The following PCDHGB2 variants were observed in gnomAD, a reference collection of about 807,000 sequenced individuals.
PCDHGB2 encodes the protein protocadherin gamma-B2.
PCDHGB2 carries 55 observed loss-of-function variants against 59.3 expected under a neutral mutation model. That is an observed-to-expected ratio of 0.93 (90% CI 0.75 to 1.16). The LOEUF (loss-of-function observed/expected upper bound fraction) is 1.16. PCDHGB2 is among the 50% of genes most tolerant of loss of function. The probability of loss-of-function intolerance (pLI) is 0.00; values close to 1 mark genes in which losing one functional copy is unlikely to be tolerated. For synonymous variants in PCDHGB2, 516 were observed against 512.0 expected, an observed-to-expected ratio of 1.01 and a Z score of -0.11; for missense variants, 1,228 against 1,198.5, an observed-to-expected ratio of 1.02 and a Z score of -0.36.
intron 1 of PCDHGB2, chr5:141,422,092 G>T: frequency 6.2e-7 from 1 of 1,611,520 alleles, no homozygotes; most frequent in Non-Finnish European, 8.5e-7. Context: ...GGAAAGCAAG[G>T]CTTCTGAAAT....
At chr5:141,393,017 C>T (rs1192044321) in intron 1 of PCDHGB2, 2 of 1,613,754 alleles carry the variant, frequency 1.2e-6, no homozygotes, top group Non-Finnish European at 1.7e-6. Context: ...GTATCGTCTC[C>T]AGAGGTAGGA....
intron 1 of PCDHGB2, among the ~76,000 whole-genome samples, chr5:141,488,782 C>T (rs990081222): frequency 2.0e-5 from 3 of 152,178 alleles, no homozygotes; most frequent in Non-Finnish European, 1.5e-5. Flanking sequence ...TTTTGTATCA[C>T]TTTGTCTTCC....
At chr5:141,364,041 A>G (rs1442486662) in intron 1 of PCDHGB2, among the ~76,000 whole-genome samples, 2 of 152,276 alleles carry the variant, frequency 1.3e-5, no homozygotes, top group African/African-American at 4.8e-5. Context: ...ATATGGCAAC[A>G]TTATTAGAAA....
chr5:141,387,642 C>T lies in PCDHGB2; in HGVS notation c.2421+25086C>T, dbSNP rs554256672. 8.0e-6 allele frequency: 5 copies of T among 622,368 alleles called. No homozygotes were observed. In the South Asian group the frequency reaches 1.1e-4, roughly 14 times the overall value. The allele number at this position is 622,368 out of a possible 1,614,324, so 38.6% of individuals were successfully genotyped here. On this transcript the variant is annotated intron_variant, in intron 1 of 3. Transcript: ENST00000522605. Reference sequence around the variant, plus strand: ...TGCTGACTCTGGGCGCCGCTGTTGGCCAAAGTGGAGAGCTTGGCGCTCCAG... The same window carrying T: ...TGCTGACTCTGGGCGCCGCTGTTGGTCAAAGTGGAGAGCTTGGCGCTCCAG...
chr5:141,410,450 T>G, intron 1 of PCDHGB2: 1 of 1,614,052 alleles, frequency 6.2e-7, no homozygotes, highest in Non-Finnish European at 8.5e-7. Flanking sequence ...GACTTTGCCT[T>G]ATTCTTATAA....
intron 1 of PCDHGB2, chr5:141,410,127 T>A (rs761667108): frequency 3.7e-6 from 6 of 1,612,926 alleles, no homozygotes; most frequent in Non-Finnish European, 5.1e-6. Context: ...CGCCAGCGCC[T>A]GCTGGTCGCT....
chr5:141,430,033 C>T (rs556099456), intron 1 of PCDHGB2, among the ~76,000 whole-genome samples: 1 of 152,066 alleles, frequency 6.6e-6, no homozygotes, highest in Non-Finnish European at 1.5e-5. Context: ...AAGTGTGATT[C>T]TGATAATGTA....
At chr5:141,480,021 C>T (rs1415230863) in intron 1 of PCDHGB2, among the ~76,000 whole-genome samples, 2 of 152,208 alleles carry the variant, frequency 1.3e-5, no homozygotes, top group East Asian at 3.8e-4. Flanking sequence ...AATCTCCTTT[C>T]TAAGCCTCTT....
intron 1 of PCDHGB2, chr5:141,377,502 A>G (rs1373807437): frequency 6.6e-6 from 1 of 152,050 alleles, no homozygotes. Flanking sequence ...AAGCTCTGAT[A>G]GGAGGATTGC....
chr5:141,388,469 A>G, intron 1 of PCDHGB2: 11 of 1,613,858 alleles, frequency 6.8e-6, no homozygotes, highest in Non-Finnish European at 8.5e-6. Context: ...CTGAGATGGT[A>G]TTGAAGACAC....
intron 2 of PCDHGB2, among the ~76,000 whole-genome samples, chr5:141,504,999 T>C (rs1278633184): frequency 6.6e-6 from 1 of 152,000 alleles, no homozygotes; most frequent in African/African-American, 2.4e-5. Context: ...CCGTCTGTAC[T>C]AAAAATACAA....
At chr5:141,501,926 C>T (rs1388315216) in intron 2 of PCDHGB2, among the ~76,000 whole-genome samples, 1 of 152,126 alleles carries the variant, frequency 6.6e-6, no homozygotes, top group African/African-American at 2.4e-5. Flanking sequence ...AGCTTTGTTC[C>T]CTCAACACCA....
intron 1 of PCDHGB2, chr5:141,366,940 C>A: frequency 1.2e-6 from 1 of 819,898 alleles, no homozygotes; most frequent in Non-Finnish European, 1.8e-6. Context: ...GGAAGTCTAG[C>A]TGATATCTGT....
chr5:141,444,965 A>C (rs561160996), intron 1 of PCDHGB2, among the ~76,000 whole-genome samples: 18 of 152,234 alleles, frequency 1.2e-4, no homozygotes, highest in South Asian at 6.2e-4. Context: ...CAATATTGAC[A>C]CTTCAAATCC....
intron 1 of PCDHGB2, chr5:141,383,386 G>C (rs1199066955): frequency 1.2e-6 from 2 of 1,614,000 alleles, no homozygotes; most frequent in Non-Finnish European, 1.7e-6. Context: ...TCCAGATGTG[G>C]GCACGAACTC....
At chr5:141,405,062 T>C in intron 1 of PCDHGB2, 1 of 1,613,918 alleles carries the variant, frequency 6.2e-7, no homozygotes, top group Non-Finnish European at 8.5e-7. Flanking sequence ...CTCCTGTGTC[T>C]TCCTCACCTT....
rs764658508 is a variant in PCDHGB2 at position 141,431,546 on chromosome 5, G to A, written c.2422-63261G>A. 1.2e-6 allele frequency: 2 copies of A among 1,614,000 alleles called. No homozygotes were observed. Among genetic ancestry groups the A allele is most frequent in the Admixed American group, 3.3e-5 (2 of 60,012 alleles). On this transcript the variant is annotated intron_variant, in intron 1 of 3. Coordinates refer to ENST00000522605, the MANE Select transcript of PCDHGB2 (RefSeq NM_018923.3). This position sits in a 1 kb window ranked among gnomAD's most constrained non-coding sequence, Gnocchi z 4.8. The stretch of plus-strand genomic sequence containing the variant: ...TCTGGCCTTGGGCACGCAGCTGCTT[G>A]TAGTCAACGCTACCGACCCTGACGA...
intron 1 of PCDHGB2, among the ~76,000 whole-genome samples, chr5:141,435,357 T>C (rs749223776): frequency 6.6e-6 from 1 of 152,208 alleles, no homozygotes; most frequent in Non-Finnish European, 1.5e-5. Flanking sequence ...CATTTAAAAT[T>C]TTATCACTTA....
intron 1 of PCDHGB2, among the ~76,000 whole-genome samples, chr5:141,461,983 C>T (rs1390320490): frequency 6.6e-6 from 1 of 152,192 alleles, no homozygotes. Flanking sequence ...GCCACCACGC[C>T]AGGCTAATTT....
Sources: allele counts gnomAD v4.1 joint callset (sites outside exome capture counted in the v4.1 genomes callset), GRCh38; gene constraint gnomAD v4.1.1; non-coding constraint Gnocchi (gnomAD v3.1); transcripts MANE v1.5; gene names NCBI Gene and HGNC (gene_info 2026-07-23, HGNC 2026-07-21).